GALNT1: variants seen among roughly 807,000 people sequenced by gnomAD.
GALNT1 encodes the protein polypeptide N-acetylgalactosaminyltransferase 1, also known as GalNAc transferase 1.
GALNT1 carries 17 observed loss-of-function variants against 65.7 expected under a neutral mutation model. The observed-to-expected ratio is 0.26, with a 90% CI of 0.18 to 0.39. The LOEUF is 0.39. Among genes scored for constraint, GALNT1 ranks in the 10% least tolerant of loss-of-function variants. GALNT1 has a pLI of 1.00. For synonymous variants in GALNT1, 210 were observed against 219.7 expected (o/e 0.96, Z 0.39); for missense variants, 460 against 672.8 (o/e 0.68, Z 3.50).
In GALNT1 at chr18:35,632,210, A is replaced by G. The variant is rs2047023401; in HGVS notation, c.-103-22350A>G. On this transcript the variant is annotated intron_variant, in intron 1 of 11. Coordinates refer to ENST00000269195, the MANE Select transcript of GALNT1 (RefSeq NM_020474.4). ...ATTGGAAAAAACTACTTTAAAGTTCATATGGAGCCAAAAAAGAGCCCACAT... is the reference window on the plus strand; with the variant it reads ...ATTGGAAAAAACTACTTTAAAGTTCGTATGGAGCCAAAAAAGAGCCCACAT... Among the ~76,000 whole-genome samples, 6 of 152,356 alleles carry G rather than the reference A, an allele frequency of 3.9e-5. No individual in the cohort carries two copies. The South Asian group carries it at 1.2e-3, about 32-fold the overall frequency.
At chr18:35,593,419 A>G (rs78928478) in intron 1 of GALNT1, among the ~76,000 whole-genome samples, 6,107 of 152,118 alleles carry the variant, frequency 0.04, 172 homozygotes, top group Non-Finnish European at 0.061. Flanking sequence ...GAGAGGAGAA[A>G]GGAGGAGATT....
At chr18:35,701,908 C>T (rs11663703) in intron 9 of GALNT1, among the ~76,000 whole-genome samples, 243 of 152,288 alleles carry the variant, frequency 1.6e-3, no homozygotes, top group Non-Finnish European at 2.7e-3. Flanking sequence ...GTCTCTGAGC[C>T]TGTTCATGCT....
chr18:35,581,939 C>A (rs1430663368), intron 1 of GALNT1, 77 bp downstream of exon 1: 4 of 151,730 alleles, frequency 2.6e-5, no homozygotes, highest in Admixed American at 2.0e-4. Flanking sequence ...AAAGAGGCCC[C>A]GCCGCGGCCG....
intron 1 of GALNT1, among the ~76,000 whole-genome samples, chr18:35,619,567 A>T (rs1169293478): frequency 6.6e-6 from 1 of 152,112 alleles, no homozygotes; most frequent in Non-Finnish European, 1.5e-5. Flanking sequence ...GACAACAGAG[A>T]TTTCCATTTA....
intron 1 of GALNT1, among the ~76,000 whole-genome samples, chr18:35,643,391 C>G (rs1016230451): frequency 6.6e-6 from 1 of 152,176 alleles, no homozygotes; most frequent in Non-Finnish European, 1.5e-5. Context: ...ACACCTGTCT[C>G]CTTCCCTTCT....
intron 1 of GALNT1, among the ~76,000 whole-genome samples, chr18:35,589,417 T>C (rs189195397): frequency 6.6e-6 from 1 of 152,320 alleles, no homozygotes; most frequent in Admixed American, 6.5e-5. Flanking sequence ...TCTGTGATGT[T>C]TGTCTGGAGT....
chr18:35,684,860 A>G (rs1016423153), intron 5 of GALNT1, among the ~76,000 whole-genome samples: 3 of 152,214 alleles, frequency 2.0e-5, no homozygotes, highest in Non-Finnish European at 2.9e-5. Flanking sequence ...ATGGAAGGAT[A>G]GGAGACAAAA....
chr18:35,583,956 A>T (rs954308147), intron 1 of GALNT1, among the ~76,000 whole-genome samples: 3 of 152,232 alleles, frequency 2.0e-5, no homozygotes, highest in African/African-American at 7.2e-5. Context: ...TATAGTTTTT[A>T]AAAAATTTTG....
At chr18:35,658,165 A>G (rs1234949548) in intron 2 of GALNT1, among the ~76,000 whole-genome samples, 1 of 152,220 alleles carries the variant, frequency 6.6e-6, no homozygotes, top group East Asian at 1.9e-4. Context: ...TTGCCTCTGG[A>G]GGAAAGGAGA....
At position 35,623,179 on chromosome 18, in the gene GALNT1, T is replaced by A. The variant is rs1286363550; in HGVS notation, c.-103-31381T>A. Among the ~76,000 whole-genome samples, 3 of 152,210 alleles carry A rather than the reference T, an allele frequency of 2.0e-5. No homozygotes were observed. In the East Asian group the frequency reaches 5.8e-4, roughly 29 times the overall value. ...TCATTCCTTCTGACAGATCTGAGTTTCCATCTGGTGTCATTTCCCTTTTAC... is the reference window on the plus strand; with the variant it reads ...TCATTCCTTCTGACAGATCTGAGTTACCATCTGGTGTCATTTCCCTTTTAC... On this transcript the variant is annotated intron_variant, in intron 1 of 11. Transcript: ENST00000269195.
At chr18:35,623,948 T>C (rs987798223) in intron 1 of GALNT1, among the ~76,000 whole-genome samples, 1 of 152,228 alleles carries the variant, frequency 6.6e-6, no homozygotes, top group African/African-American at 2.4e-5. Flanking sequence ...TCATGTCTCG[T>C]AATTTTTTAT....
At position 35,651,985 on chromosome 18, in the gene GALNT1, C is replaced by T. The variant is rs77593220; in HGVS notation, c.-103-2575C>T. Among the ~76,000 whole-genome samples the T allele has an allele frequency of 2.9e-3, 446 of 151,410 alleles. 2 individuals are homozygous for T. The highest frequency in any genetic ancestry group is 4.6e-3 in the Non-Finnish European group (315 of 67,944). On this transcript the variant is annotated intron_variant, in intron 1 of 11. Coordinates refer to ENST00000269195, the MANE Select transcript of GALNT1 (RefSeq NM_020474.4). ...AATTGCAAACATTGGTGGCAACATA[C>T]TTGGAACTTTATCTTCAATTTTCTA... is the stretch of plus-strand genomic sequence containing the variant.
At chr18:35,665,533 T>C (rs191420083) in intron 3 of GALNT1, among the ~76,000 whole-genome samples, 1 of 152,210 alleles carries the variant, frequency 6.6e-6, no homozygotes, top group Admixed American at 6.5e-5. Context: ...TAGATGAAAA[T>C]AGACTGTACT....
chr18:35,612,416 A>T (rs1296633358), intron 1 of GALNT1, among the ~76,000 whole-genome samples: 1 of 152,232 alleles, frequency 6.6e-6, no homozygotes, highest in Admixed American at 6.5e-5. Flanking sequence ...CTGCTAATTT[A>T]ACCATTTTTT....
intron 1 of GALNT1, among the ~76,000 whole-genome samples, chr18:35,638,440 A>C (rs1286648017): frequency 2.6e-5 from 4 of 152,136 alleles, no homozygotes; most frequent in Non-Finnish European, 4.4e-5. Flanking sequence ...TGGGTAATTA[A>C]CATGGTGCTT....
At chr18:35,693,367 G>A (rs1443455159) in intron 9 of GALNT1, among the ~76,000 whole-genome samples, 4 of 152,176 alleles carry the variant, frequency 2.6e-5, no homozygotes, top group South Asian at 2.1e-4. Flanking sequence ...GAGAGTAGTA[G>A]AAGATAAGGT....
At chr18:35,703,112 TAA>T (rs2048193325) in intron 10 of GALNT1, 117 bp downstream of exon 10, 2 of 614,124 alleles carry the variant, frequency 3.3e-6, no homozygotes, top group Admixed American at 3.3e-5. Context: ...GAGAAAATAA[TAA>T]AGACTTTTAG....
intron 1 of GALNT1, among the ~76,000 whole-genome samples, chr18:35,629,987 A>G (rs2046983005): frequency 1.3e-5 from 2 of 152,376 alleles, no homozygotes; most frequent in African/African-American, 4.8e-5. Flanking sequence ...TAAAGGGATC[A>G]ATTCAACAAG....
chr18:35,706,937 A>T (rs2048272766), intron 11 of GALNT1, among the ~76,000 whole-genome samples: 1 of 152,190 alleles, frequency 6.6e-6, no homozygotes, highest in African/African-American at 2.4e-5. Context: ...TAAACCCAGG[A>T]TACTTTTTAT....
Sources: allele counts gnomAD v4.1 joint callset (sites outside exome capture counted in the v4.1 genomes callset), GRCh38; gene constraint gnomAD v4.1.1; transcripts MANE v1.5; gene names NCBI Gene and HGNC (gene_info 2026-07-23, HGNC 2026-07-21).